Variants in SCN2A observed in about 807,000 individuals in gnomAD.
The protein encoded by SCN2A is sodium voltage-gated channel alpha subunit 2.
In SCN2A, 20 loss-of-function variants were observed where a neutral mutation model predicts 188.7. The observed-to-expected ratio is 0.11, with a 90% confidence interval of 0.07 to 0.15. The LOEUF (loss-of-function observed/expected upper bound fraction) is 0.15. Ranked by LOEUF, SCN2A falls within the 10% of genes least tolerant of loss-of-function variation. The pLI is 1.00. For synonymous variants in SCN2A, 804 were observed against 833.1 expected (o/e 0.97, Z 0.60); for missense variants, 1,278 against 2,445.0 (o/e 0.52, Z 10.07).
At chr2:165,355,018 C>T (rs367845711) in intron 17 of SCN2A, among the ~76,000 whole-genome samples, 13 of 152,238 alleles carry the variant, frequency 8.5e-5, no homozygotes, top group South Asian at 6.2e-4. Flanking sequence ...GTTTTTTGTA[C>T]GTACTGGAAA....
At position 165,344,505 on chromosome 2, in the gene SCN2A, A is replaced by G. The variant is rs1442455576; in HGVS notation, c.2563-50A>G. On this transcript the variant is annotated intron_variant, in intron 15 of 26. Transcript: ENST00000375437. ...AAATAAAAATAAAATAAAATTGCAG[A>G]TTTTTTTAGAAATGCAGAGCATTAA... 7 of 1,229,620 alleles carry G rather than the reference A, an allele frequency of 5.7e-6. 1 individual carries two copies. The African/African-American group carries it at 6.3e-5, about 11-fold the overall frequency. The allele number at this position is 1,229,620 out of a possible 1,614,324, so 76.2% of individuals were successfully genotyped here. A position where few individuals can be genotyped will look rare whatever the true frequency, so the allele number is the denominator to read the frequency against.
intron 17 of SCN2A, 32 bp downstream of exon 17, chr2:165,354,703 T>C (rs1463294370): frequency 1.2e-6 from 2 of 1,605,630 alleles, no homozygotes; most frequent in Non-Finnish European, 1.7e-6. Context: ...GATATTTTGG[T>C]GTTATATAAT....
At position 165,297,044 on chromosome 2, in the gene SCN2A, G is replaced by A. The variant is rs1696548771; in HGVS notation, c.295G>A (p.Ala99Thr). ...GTTTATAGTATTGAATAAAGGGAAA[G>A]CAATCTCTCGATTCAGTGCCACCCC... ...KTFIVLNKGK[A>T]ISRFSATPAL... The change falls in exon 3 of 27, where the codon GCA becomes ACA. Residue 99 changes from alanine to threonine, a missense_variant. Ala to Thr is a moderately conservative substitution (Grantham distance 58, BLOSUM62 0). Transcript: ENST00000375437. 6.8e-6 allele frequency: 11 copies of A among 1,608,978 alleles called. No individual in the cohort carries two copies. The highest frequency in any genetic ancestry group is 9.4e-6 in the Non-Finnish European group (11 of 1,175,998).
chr2:165,308,809 A>AT lies in SCN2A; in HGVS notation c.605+15_605+16insT, dbSNP rs1064796218. On this transcript the variant is annotated intron_variant, in intron 5 of 26. Transcript: ENST00000375437. ...ATTACTTTTGCGTAAGTATCTTAAT[A>AT]CATTTTCTATCCTGGAAGAGTAAAT... is the stretch of plus-strand genomic sequence containing the variant. 8 of 1,612,200 alleles carry AT rather than the reference A, an allele frequency of 5.0e-6. No homozygotes were observed. Among genetic ancestry groups the AT allele is most frequent in the African/African-American group, 1.3e-5 (1 of 74,842 alleles).
intron 1 of SCN2A, among the ~76,000 whole-genome samples, chr2:165,291,961 T>C (rs1299804543): frequency 6.6e-6 from 1 of 152,044 alleles, no homozygotes. Context: ...TTCGGAGTCT[T>C]TCTTCCCACT....
At chr2:165,241,582 G>A (rs539400686) in intron 1 of SCN2A, among the ~76,000 whole-genome samples, 7 of 152,288 alleles carry the variant, frequency 4.6e-5, no homozygotes, top group Non-Finnish European at 8.8e-5. Flanking sequence ...GGAATACCAC[G>A]TACCAACCAA....
In SCN2A at chr2:165,389,137, G is replaced by A. The variant is rs1438705722; in HGVS notation, c.5331G>A (p.Glu1777=). The stretch of plus-strand genomic sequence containing the variant: ...ACATGTACATCGCGGTCATCCTGGA[G>A]AACTTCAGTGTTGCTACTGAAGAAA... The part of the protein sequence containing the change: ...VVNMYIAVIL[E]NFSVATEESA... Residue 1777 remains glutamate (E), a synonymous_variant, in exon 27 of 27, where the codon GAG becomes GAA. Coordinates refer to ENST00000375437, the MANE Select transcript of SCN2A (RefSeq NM_001040142.2). This position sits in a 1 kb window ranked among gnomAD's most constrained non-coding sequence, Gnocchi z 4.2. 6.2e-7 allele frequency: 1 copy of A among 1,613,972 alleles called. No homozygotes were observed. The highest frequency in any genetic ancestry group is 8.5e-7 in the Non-Finnish European group (1 of 1,180,016).
chr2:165,328,445 T>C (rs547429315), intron 13 of SCN2A: 1 of 984,296 alleles, frequency 1.0e-6, no homozygotes, highest in East Asian at 1.1e-4. Flanking sequence ...CTCCTTGCCA[T>C]AGCAAAACCA....
At chr2:165,375,617 A>G (rs1303195433) in intron 22 of SCN2A, among the ~76,000 whole-genome samples, 1 of 151,992 alleles carries the variant, frequency 6.6e-6, no homozygotes, top group African/African-American at 2.4e-5. Context: ...CTATGTCCGC[A>G]CAACAGAAAA....
chr2:165,388,245 T>C (rs1183160907), intron 26 of SCN2A, among the ~76,000 whole-genome samples: 1 of 152,148 alleles, frequency 6.6e-6, no homozygotes, highest in Admixed American at 6.6e-5. Context: ...AGAACTCTCA[T>C]ATTCCTGACC....
At chr2:165,254,158 T>C (rs998136397) in intron 1 of SCN2A, among the ~76,000 whole-genome samples, 5 of 151,824 alleles carry the variant, frequency 3.3e-5, no homozygotes, top group African/African-American at 9.7e-5. Flanking sequence ...GAATTTATTA[T>C]AATTTATAAA....
At chr2:165,288,549 A>T (rs998722012) in intron 1 of SCN2A, among the ~76,000 whole-genome samples, 2 of 151,966 alleles carry the variant, frequency 1.3e-5, no homozygotes, top group Admixed American at 6.6e-5. Context: ...TAAAAAAAAA[A>T]AACAGCTTTT....
At chr2:165,346,369 A>T (rs545635207) in intron 16 of SCN2A, among the ~76,000 whole-genome samples, 1 of 152,172 alleles carries the variant, frequency 6.6e-6, no homozygotes, top group South Asian at 2.1e-4. Context: ...TGGTCTTTTC[A>T]CATAGTCCCA....
At chr2:165,297,579 ACTTT>A (rs1368694062) in intron 3 of SCN2A, among the ~76,000 whole-genome samples, 1 of 152,294 alleles carries the variant, frequency 6.6e-6, no homozygotes, top group East Asian at 1.9e-4. Flanking sequence ...GAATTTTATG[ACTTT>A]CTTCTATTTT....
intron 14 of SCN2A, among the ~76,000 whole-genome samples, chr2:165,332,244 A>G (rs1376355823): frequency 6.6e-6 from 1 of 152,018 alleles, no homozygotes; most frequent in Non-Finnish European, 1.5e-5. Flanking sequence ...TTGATAAATG[A>G]ACATATAAGC....
At chr2:165,370,377 G>C in intron 20 of SCN2A, 78 bp downstream of exon 20, 1 of 1,395,156 alleles carries the variant, frequency 7.2e-7, no homozygotes, top group Non-Finnish European at 1.0e-6. Context: ...ACACAGTGTA[G>C]GCACTCAGTA....
chr2:165,374,660 A>G, intron 21 of SCN2A, 25 bp from the exon 22 acceptor site: 1 of 1,610,442 alleles, frequency 6.2e-7, no homozygotes, highest in Non-Finnish European at 8.5e-7. Context: ...CTTTTCACTT[A>G]TTTTTCCTTC....
At chr2:165,294,605 T>A (rs1287102351) in intron 1 of SCN2A, among the ~76,000 whole-genome samples, 2 of 152,126 alleles carry the variant, frequency 1.3e-5, no homozygotes, top group Admixed American at 1.3e-4. Context: ...CAACTCTGAC[T>A]CCTATAGTAT....
intron 1 of SCN2A, among the ~76,000 whole-genome samples, chr2:165,263,149 G>A (rs750156969): frequency 2.0e-5 from 3 of 152,072 alleles, no homozygotes; most frequent in Non-Finnish European, 4.4e-5. Context: ...TTAGTCTTTT[G>A]TCAGATGTAT....
Sources: gnomAD v4.1 joint callset for allele counts (sites outside exome capture counted in the v4.1 genomes callset) on GRCh38, gnomAD v4.1.1 for gene constraint, Gnocchi (gnomAD v3.1) non-coding constraint, MANE v1.5 for transcripts, NCBI Gene and HGNC (gene_info 2026-07-23, HGNC 2026-07-21) for gene names.